SRSF7: variants seen among roughly 807,000 people sequenced by gnomAD.
SRSF7 encodes the protein serine/arginine-rich splicing factor 7.
A neutral mutation model predicts 42.2 loss-of-function variants in SRSF7; 15 were observed. That is an observed-to-expected ratio of 0.36 (90% CI 0.24 to 0.55). SRSF7 has a LOEUF of 0.55. SRSF7 is among the 20% of genes least tolerant of loss of function. SRSF7 has a pLI of 0.88. For missense variants in SRSF7, 181 were observed against 305.9 expected (o/e 0.59, Z 3.04); for synonymous variants, 138 against 107.9 (o/e 1.28, Z -1.73).
chr2:38,748,643 T>C lies in SRSF7; in HGVS notation c.397A>G (p.Arg133Gly). The change falls in exon 4 of 8, where the codon AGA becomes GGA. Residue 133 changes from arginine to glycine, a missense_variant. Transcript: ENST00000313117. ...SRRRRSRSRS[R>G]SHSRSRGRRY... ...CTTCCTCTGGATCGAGAATGTGATC[T>C]AGACCGTGACCTATTTTTCAAGTTA... The C allele has an allele frequency of 6.2e-7, 1 of 1,614,194 alleles. No individual in the cohort carries two copies.
chr2:38,751,427 G>T, upstream of SRSF7: 1 of 842,824 alleles, frequency 1.2e-6, no homozygotes, highest in Non-Finnish European at 1.9e-6. Context: ...TCATCTCGTT[G>T]TTCTGCGCGG....
intron 4 of SRSF7, 112 bp from the exon 5 acceptor site, chr2:38,748,269 G>C (rs373058242): frequency 3.7e-6 from 3 of 810,574 alleles, no homozygotes; most frequent in Admixed American, 5.3e-5. Context: ...AGCACTGCGG[G>C]AGGATCGTTT....
In SRSF7 at chr2:38,751,329, A is replaced by G; in HGVS notation, c.-73T>C. 22 of 1,590,050 alleles carry G rather than the reference A, an allele frequency of 1.4e-5. No homozygotes were observed. The highest frequency in any genetic ancestry group is 1.8e-5 in the Non-Finnish European group (21 of 1,165,112). On this transcript the variant is annotated 5_prime_UTR_variant, in exon 1 of 8. Coordinates refer to ENST00000313117, the MANE Select transcript of SRSF7 (RefSeq NM_001031684.3). ...TCGAGTGACGCAAAAGCTGACACAC[A>G]CCTTCACCCGCCAAGAGTCCCGGCG...
chr2:38,749,999 T>C lies in SRSF7; in HGVS notation c.209+15A>G. The C allele has an allele frequency of 1.3e-6, 2 of 1,596,382 alleles. No homozygotes were observed. Among genetic ancestry groups the C allele is most frequent in the Non-Finnish European group, 1.7e-6 (2 of 1,172,958 alleles). ...TATATTTTAATGAACAGAAGATTCA[T>C]AACATCTTACTTACTTTCCATCCAG... On this transcript the variant is annotated intron_variant, in intron 2 of 7. Transcript: ENST00000313117.
Position 38,751,275 on chromosome 2 carries a change from T to C in SRSF7, c.-19A>G. On this transcript the variant is annotated 5_prime_UTR_variant, in exon 1 of 8. Transcript: ENST00000313117. Reference sequence around the variant, plus strand: ...GCGACATGATGACAGACCCGCGTGCTCGGCTCTTTAGCAAGCAGCGCCCAG... The same window carrying C: ...GCGACATGATGACAGACCCGCGTGCCCGGCTCTTTAGCAAGCAGCGCCCAG... 8 of 1,613,890 alleles carry C rather than the reference T, an allele frequency of 5.0e-6. No individual in the cohort carries two copies. The highest frequency in any genetic ancestry group is 3.3e-5 in the Admixed American group (2 of 59,992).
chr2:38,750,228 A>G, intron 1 of SRSF7, 34 bp from the exon 2 acceptor site: 1 of 1,571,068 alleles, frequency 6.4e-7, no homozygotes, highest in South Asian at 1.2e-5. Context: ...AATGCACGTT[A>G]CGCAAAATCT....
At chr2:38,746,853 A>T (rs1258541172) in intron 5 of SRSF7, 106 bp from the exon 6 acceptor site, 9 of 1,543,340 alleles carry the variant, frequency 5.8e-6, no homozygotes, top group African/African-American at 2.8e-5. Context: ...AGCTAAAACT[A>T]AACAAGATGC....
intron 5 of SRSF7, 125 bp downstream of exon 5, chr2:38,747,922 T>C (rs150932015): frequency 2.7e-5 from 17 of 637,556 alleles, no homozygotes; most frequent in Middle Eastern, 6.2e-4. Context: ...AAGTTACACA[T>C]AAATTCCAAA....
At chr2:38,751,182 C>T (rs1382595967) in intron 1 of SRSF7, 47 bp downstream of exon 1, 2 of 1,612,838 alleles carry the variant, frequency 1.2e-6, no homozygotes, top group Non-Finnish European at 1.7e-6. Context: ...CCTCGCAGTG[C>T]TCACTACACC....
intron 1 of SRSF7, chr2:38,750,838 C>A (rs1005358910): frequency 1.1e-5 from 3 of 270,270 alleles, no homozygotes; most frequent in African/African-American, 4.4e-5. Context: ...GCGGCCAGAT[C>A]TGTCCGCTGA....
intron 2 of SRSF7, 125 bp downstream of exon 2, chr2:38,749,889 G>T: frequency 1.6e-6 from 2 of 1,290,084 alleles, no homozygotes; most frequent in Non-Finnish European, 2.1e-6. Flanking sequence ...TGTGCCTTTA[G>T]CATTTAACAC....
chr2:38,750,405 A>G (rs1668115817), intron 1 of SRSF7, among the ~76,000 whole-genome samples: 1 of 151,876 alleles, frequency 6.6e-6, no homozygotes, highest in African/African-American at 2.4e-5. Context: ...GTTCTAAATA[A>G]TGCGGGGTGA....
At chr2:38,751,403 G>T, upstream of SRSF7, 2 of 1,063,878 alleles carry the variant, frequency 1.9e-6, no homozygotes, top group South Asian at 1.4e-5. Flanking sequence ...CGGCCGCTGC[G>T]CTTTGCGCAT....
chr2:38,748,191 T>G (rs1428913243), intron 4 of SRSF7, 34 bp from the exon 5 acceptor site: 2 of 583,886 alleles, frequency 3.4e-6, no homozygotes, highest in Admixed American at 4.1e-5. Context: ...ATCTCCACAG[T>G]TTTTTTTTTT....
intron 7 of SRSF7, 143 bp downstream of exon 7, chr2:38,746,000 AG>A (rs1258835333): frequency 9.7e-6 from 7 of 722,316 alleles, no homozygotes; most frequent in South Asian, 2.1e-5. Flanking sequence ...AAAAAAAAAA[AG>A]TATTTCAGAA....
At chr2:38,746,889 C>A in intron 5 of SRSF7, 142 bp from the exon 6 acceptor site, 1 of 1,377,116 alleles carries the variant, frequency 7.3e-7, no homozygotes, top group Middle Eastern at 1.9e-4. Context: ...CTGTCTAACA[C>A]ACTGTCAAAC....
Position 38,744,938 on chromosome 2 carries a change from A to G in SRSF7, c.*195T>C. On this transcript the variant is annotated 3_prime_UTR_variant, in exon 8 of 8. Transcript: ENST00000313117. ...TTAAATGTGCCAAATAAAAACCCAC[A>G]TTTTCAGACCATATGATGTTAATAC... 3.6e-5 allele frequency: 18 copies of G among 495,670 alleles called. No individual in the cohort carries two copies. Among genetic ancestry groups the G allele is most frequent in the African/African-American group, 3.5e-4 (18 of 51,544 alleles). The allele number at this position is 495,670 out of a possible 1,614,324, so 30.7% of individuals were successfully genotyped here. A position where few individuals can be genotyped will look rare whatever the true frequency, so the allele number is the denominator to read the frequency against.
upstream of SRSF7, chr2:38,751,382 G>C (rs1159255696): frequency 1.6e-6 from 2 of 1,273,398 alleles, no homozygotes; most frequent in Non-Finnish European, 2.2e-6. Context: ...CCGGGTTCGC[G>C]TTTATATATG....
At chr2:38,748,531 G>A (rs1300140906) in intron 4 of SRSF7, 48 bp downstream of exon 4, 1 of 1,571,830 alleles carries the variant, frequency 6.4e-7, no homozygotes, top group South Asian at 1.1e-5. Context: ...TGGACTACCA[G>A]TGAATTTAAT....
Sources: allele counts gnomAD v4.1 joint callset (sites outside exome capture counted in the v4.1 genomes callset), GRCh38; gene constraint gnomAD v4.1.1; transcripts MANE v1.5; gene names NCBI Gene and HGNC (gene_info 2026-07-23, HGNC 2026-07-21).